The following CDH12 variants were observed in gnomAD, a reference collection of about 807,000 sequenced individuals.
The protein encoded by CDH12 is cadherin 12.
In CDH12, 41 loss-of-function variants were observed where a neutral mutation model predicts 74.1. That is an observed-to-expected ratio of 0.55 (90% CI 0.43 to 0.72). The LOEUF (loss-of-function observed/expected upper bound fraction) is 0.72, where lower values mean the gene tolerates loss of function less well. Ranked by LOEUF, CDH12 falls within the 30% of genes least tolerant of loss-of-function variation. The pLI is 0.00. For missense variants in CDH12, 945 were observed against 977.2 expected, an observed-to-expected ratio of 0.97 and a Z score of 0.44; for synonymous variants, 399 against 355.0, an observed-to-expected ratio of 1.12 and a Z score of -1.39.
At chr5:22,347,743 T>G (rs1740179303) in intron 3 of CDH12, among the ~76,000 whole-genome samples, 1 of 152,208 alleles carries the variant, frequency 6.6e-6, no homozygotes, top group African/African-American at 2.4e-5. Context: ...GCATTAGTAG[T>G]ATTACCATCA....
intron 1 of CDH12, among the ~76,000 whole-genome samples, chr5:22,508,209 T>C (rs184234119): frequency 2.2e-3 from 341 of 152,304 alleles, no homozygotes; most frequent in Middle Eastern, 6.8e-3. Flanking sequence ...CCATAGATCA[T>C]GAGGATTAAG....
chr5:22,079,910 A>AAT (rs1742602757), intron 4 of CDH12, among the ~76,000 whole-genome samples: 1 of 151,792 alleles, frequency 6.6e-6, no homozygotes, highest in African/African-American at 2.4e-5. Flanking sequence ...AAAAAAAAAA[A>AAT]GCAAACAAGA....
chr5:21,818,239 G>A (rs1174115923), intron 8 of CDH12, among the ~76,000 whole-genome samples: 3 of 145,834 alleles, frequency 2.1e-5, no homozygotes, highest in African/African-American at 7.6e-5. Context: ...ATCAACCATG[G>A]TGATTCATTC....
At position 22,155,495 on chromosome 5, in the gene CDH12, T is replaced by C. The variant is rs568845900; in HGVS notation, c.-187+57003A>G. 2.8e-3 allele frequency among the ~76,000 whole-genome samples: 419 copies of C among 152,290 alleles called. 5 individuals carry two copies. Among genetic ancestry groups the C allele is most frequent in the African/African-American group, 9.3e-3 (388 of 41,564 alleles). On this transcript the variant is annotated intron_variant, in intron 4 of 14. Transcript: ENST00000382254. ...AGCAGATATAAAGATCTTTTAATCA[T>C]GCTACTACCTAATTACAATATTAGA...
At chr5:21,837,224 A>G (rs1000998736) in intron 8 of CDH12, among the ~76,000 whole-genome samples, 11 of 152,062 alleles carry the variant, frequency 7.2e-5, no homozygotes, top group Non-Finnish European at 1.5e-4. Flanking sequence ...TCACATCATC[A>G]TATCAAATTG....
chr5:22,638,069 A>G (rs1738933426), intron 1 of CDH12, among the ~76,000 whole-genome samples: 1 of 152,220 alleles, frequency 6.6e-6, no homozygotes, highest in African/African-American at 2.4e-5. Flanking sequence ...TAAGTTCTGG[A>G]TTGAGAACAG....
At chr5:22,119,448 C>A (rs1377010515) in intron 4 of CDH12, among the ~76,000 whole-genome samples, 2 of 151,924 alleles carry the variant, frequency 1.3e-5, no homozygotes, top group East Asian at 3.9e-4. Context: ...TGCCACCATG[C>A]CAGGCTAATT....
chr5:22,542,711 G>C (rs879937827), intron 1 of CDH12, among the ~76,000 whole-genome samples: 1 of 152,094 alleles, frequency 6.6e-6, no homozygotes, highest in Non-Finnish European at 1.5e-5. Context: ...AATGTAAGAT[G>C]TGAAAAAAAT....
intron 1 of CDH12, among the ~76,000 whole-genome samples, chr5:22,802,282 C>A (rs962195870): frequency 6.6e-6 from 1 of 151,714 alleles, no homozygotes; most frequent in Non-Finnish European, 1.5e-5. Context: ...CCACCACACC[C>A]GGCTATTTTT....
At chr5:21,800,131 A>G (rs1372133391) in intron 10 of CDH12, among the ~76,000 whole-genome samples, 1 of 152,160 alleles carries the variant, frequency 6.6e-6, no homozygotes, top group Non-Finnish European at 1.5e-5. Context: ...TTGGAAACAC[A>G]TAATTTATTT....
At chr5:22,153,890 A>ATATATT (rs1747806938) in intron 4 of CDH12, among the ~76,000 whole-genome samples, 1 of 46,068 alleles carries the variant, frequency 2.2e-5, no homozygotes, top group South Asian at 7.9e-4. Flanking sequence ...ATATATATAA[A>ATATATT]TATATATATA....
intron 1 of CDH12, among the ~76,000 whole-genome samples, chr5:22,823,550 G>A (rs1169527093): frequency 1.3e-5 from 2 of 152,010 alleles, no homozygotes; most frequent in African/African-American, 4.8e-5. Flanking sequence ...CCAGTCTTGG[G>A]TATGTCTTCA....
chr5:21,996,471 C>T (rs966989096), intron 5 of CDH12, among the ~76,000 whole-genome samples: 3 of 152,144 alleles, frequency 2.0e-5, no homozygotes, highest in African/African-American at 7.2e-5. Flanking sequence ...TACTTCATTT[C>T]ACAAATGAGG....
intron 1 of CDH12, among the ~76,000 whole-genome samples, chr5:22,650,904 C>G (rs992849236): frequency 2.6e-5 from 4 of 151,880 alleles, no homozygotes; most frequent in African/African-American, 9.7e-5. Flanking sequence ...TGGTGGGAGT[C>G]TTTCTTGGAA....
intron 3 of CDH12, among the ~76,000 whole-genome samples, chr5:22,355,763 G>T (rs1740540844): frequency 6.6e-6 from 1 of 151,970 alleles, no homozygotes; most frequent in African/African-American, 2.4e-5. Context: ...CCATGGGTGA[G>T]AATGTGAACT....
chr5:22,067,544 A>C (rs180879397), intron 5 of CDH12, among the ~76,000 whole-genome samples: 6 of 152,300 alleles, frequency 3.9e-5, no homozygotes, highest in Non-Finnish European at 8.8e-5. Context: ...AGATAGATGC[A>C]GTCTGCTACG....
At chr5:22,509,633 G>A (rs1736521105) in intron 1 of CDH12, among the ~76,000 whole-genome samples, 1 of 152,066 alleles carries the variant, frequency 6.6e-6, no homozygotes, top group Admixed American at 6.6e-5. Flanking sequence ...CTTGAAGGAA[G>A]GAACTAATAA....
chr5:22,101,038 T>C (rs1744111906), intron 4 of CDH12, among the ~76,000 whole-genome samples: 1 of 152,142 alleles, frequency 6.6e-6, no homozygotes, highest in Non-Finnish European at 1.5e-5. Flanking sequence ...TGCATTGAAA[T>C]CACTATTTTT....
intron 3 of CDH12, among the ~76,000 whole-genome samples, chr5:22,294,816 A>C: frequency 6.6e-6 from 1 of 152,198 alleles, no homozygotes; most frequent in Non-Finnish European, 1.5e-5. Flanking sequence ...TGTTTGCCTT[A>C]GAAAATTTGC....
Sources: allele counts gnomAD v4.1 joint callset (sites outside exome capture counted in the v4.1 genomes callset), GRCh38; gene constraint gnomAD v4.1.1; transcripts MANE v1.5; gene names NCBI Gene and HGNC (gene_info 2026-07-23, HGNC 2026-07-21).